HPSE2: variants seen among roughly 807,000 people sequenced by gnomAD.
HPSE2 encodes heparanase 2 (inactive), also known as inactive heparanase-2.
Under a neutral mutation model 60.5 loss-of-function variants are expected in HPSE2, and 38 were observed. That is an observed-to-expected ratio of 0.63 (90% CI 0.48 to 0.82). The LOEUF (loss-of-function observed/expected upper bound fraction) is 0.82. HPSE2 is among the 40% of genes least tolerant of loss of function. The pLI is 0.00. For synonymous variants in HPSE2, 295 were observed against 293.2 expected, an observed-to-expected ratio of 1.01 and a Z score of -0.06; for missense variants, 713 against 740.4, an observed-to-expected ratio of 0.96 and a Z score of 0.43.
chr10:98,924,316 G>C (rs1954381154), intron 3 of HPSE2, among the ~76,000 whole-genome samples: 1 of 152,222 alleles, frequency 6.6e-6, no homozygotes, highest in Non-Finnish European at 1.5e-5. Flanking sequence ...TGCTGGGTCA[G>C]ACCCAAAGCC....
At chr10:98,514,487 C>T (rs1242332008) in intron 9 of HPSE2, among the ~76,000 whole-genome samples, 1 of 152,076 alleles carries the variant, frequency 6.6e-6, no homozygotes, top group Non-Finnish European at 1.5e-5. Context: ...TGGAGATAAA[C>T]TTTCTTGAGA....
intron 3 of HPSE2, among the ~76,000 whole-genome samples, chr10:99,063,831 A>G (rs1040535043): frequency 6.6e-6 from 1 of 152,140 alleles, no homozygotes; most frequent in Non-Finnish European, 1.5e-5. Context: ...AGTGGCTTAC[A>G]CCTGTAATCC....
At chr10:99,268,914 G>A in the HPSE2 span, among the ~76,000 whole-genome samples, 2 of 151,924 alleles carry the variant, frequency 1.3e-5, no homozygotes, top group African/African-American at 4.8e-5. Flanking sequence ...CAGTACTTTT[G>A]GGAGGCCGAG....
chr10:98,884,098 A>G (rs1953099887), intron 3 of HPSE2, among the ~76,000 whole-genome samples: 1 of 152,158 alleles, frequency 6.6e-6, no homozygotes, highest in Non-Finnish European at 1.5e-5. Flanking sequence ...AGTGGTCTAG[A>G]TAGGTCAAAC....
intron 3 of HPSE2, among the ~76,000 whole-genome samples, chr10:98,949,690 TAA>T (rs1306170226): frequency 6.6e-6 from 1 of 152,152 alleles, no homozygotes; most frequent in Non-Finnish European, 1.5e-5. Context: ...TCATTTGAAA[TAA>T]AAAGTCATGC....
chr10:98,548,874 G>A (rs1943775823), intron 9 of HPSE2, among the ~76,000 whole-genome samples: 1 of 152,040 alleles, frequency 6.6e-6, no homozygotes, highest in South Asian at 2.1e-4. Context: ...GCAGGTAAGA[G>A]GATCAGTCTT....
chr10:98,985,843 T>C (rs2135318356), intron 3 of HPSE2, among the ~76,000 whole-genome samples: 1 of 152,276 alleles, frequency 6.6e-6, no homozygotes, highest in South Asian at 2.1e-4. Flanking sequence ...GTTGCAATCC[T>C]AGTCTCTCAT....
At chr10:98,728,443 C>A (rs894919156) in intron 4 of HPSE2, among the ~76,000 whole-genome samples, 1 of 152,020 alleles carries the variant, frequency 6.6e-6, no homozygotes, top group Non-Finnish European at 1.5e-5. Flanking sequence ...CATGGTGAAA[C>A]CCTGTCTCTA....
chr10:98,676,089 A>G (rs1036113038), intron 6 of HPSE2, among the ~76,000 whole-genome samples: 3 of 151,674 alleles, frequency 2.0e-5, no homozygotes, highest in Non-Finnish European at 2.9e-5. Flanking sequence ...TAGATTGGGG[A>G]TTTCATGCCT....
intron 3 of HPSE2, among the ~76,000 whole-genome samples, chr10:98,988,035 G>C (rs1321718121): frequency 6.6e-6 from 1 of 152,198 alleles, no homozygotes; most frequent in Non-Finnish European, 1.5e-5. Context: ...CTCATGGATA[G>C]GAAGAATCAA....
intron 9 of HPSE2, among the ~76,000 whole-genome samples, chr10:98,585,076 TC>T (rs879704222): frequency 1.3e-5 from 2 of 152,172 alleles, no homozygotes; most frequent in East Asian, 3.9e-4. Context: ...ACCTACTCAA[TC>T]CCCCCAAAAT....
chr10:98,489,997 G>A (rs1371424563), intron 10 of HPSE2, 54 bp downstream of exon 10: 4 of 1,606,418 alleles, frequency 2.5e-6, no homozygotes, highest in Non-Finnish European at 3.4e-6. Flanking sequence ...GTCCCAAATG[G>A]TATGGGGTGG....
At chr10:99,244,363 C>T in the HPSE2 span, among the ~76,000 whole-genome samples, 4 of 140,860 alleles carry the variant, frequency 2.8e-5, no homozygotes, top group African/African-American at 1.1e-4. Flanking sequence ...CATACTTTGA[C>T]CTTTTTATTT....
At chr10:98,863,796 A>G (rs1281775766) in intron 3 of HPSE2, among the ~76,000 whole-genome samples, 1 of 152,142 alleles carries the variant, frequency 6.6e-6, no homozygotes, top group Admixed American at 6.6e-5. Flanking sequence ...CTCTCAAATG[A>G]TGGTAGTTGG....
At chr10:98,725,784 A>C (rs1949059344) in intron 4 of HPSE2, among the ~76,000 whole-genome samples, 1 of 152,252 alleles carries the variant, frequency 6.6e-6, no homozygotes, top group East Asian at 1.9e-4. Context: ...AACTCAAACA[A>C]ATTTGCAAGA....
the HPSE2 span, among the ~76,000 whole-genome samples, chr10:99,307,694 A>G: frequency 6.6e-6 from 1 of 152,204 alleles, no homozygotes; most frequent in Non-Finnish European, 1.5e-5. Flanking sequence ...TAAACCCAGG[A>G]TCCTTAAATC....
At chr10:99,293,516 T>C in the HPSE2 span, among the ~76,000 whole-genome samples, 274 of 152,332 alleles carry the variant, frequency 1.8e-3, no homozygotes, top group Non-Finnish European at 3.3e-3. Flanking sequence ...AGTTCTAGGA[T>C]AACTTTTACA....
At chr10:98,913,667 C>T (rs1954041481) in intron 3 of HPSE2, among the ~76,000 whole-genome samples, 1 of 152,108 alleles carries the variant, frequency 6.6e-6, no homozygotes, top group Admixed American at 6.6e-5. Flanking sequence ...AGCCCAAATG[C>T]CACTGAAAAT....
intron 3 of HPSE2, among the ~76,000 whole-genome samples, chr10:98,912,645 G>A (rs777466737): frequency 2.6e-5 from 4 of 152,028 alleles, no homozygotes; most frequent in Non-Finnish European, 5.9e-5. Context: ...TGCAAAAACC[G>A]GAAGTCATTA....
Sources: gnomAD v4.1 joint callset for allele counts (sites outside exome capture counted in the v4.1 genomes callset) on GRCh38, gnomAD v4.1.1 for gene constraint, MANE v1.5 for transcripts, NCBI Gene and HGNC (gene_info 2026-07-23, HGNC 2026-07-21) for gene names.